The following MFAP2 variants were observed in gnomAD, a reference collection of about 807,000 sequenced individuals.
The protein encoded by MFAP2 is microfibrillar-associated protein 2.
A neutral mutation model predicts 30.6 loss-of-function variants in MFAP2; 23 were observed. The ratio of observed to expected loss-of-function variants is 0.75; its 90% CI spans 0.54 to 1.07. The LOEUF (loss-of-function observed/expected upper bound fraction) is 1.07, where lower values mean the gene tolerates loss of function less well. Ranked by LOEUF, MFAP2 falls within the 50% of genes least tolerant of loss-of-function variation. MFAP2 has a pLI of 0.00. For synonymous variants in MFAP2, 73 were observed against 85.7 expected (o/e 0.85, Z 0.82); for missense variants, 198 against 223.8 (o/e 0.88, Z 0.74).
chr1:16,975,061 C>G lies in MFAP2; in HGVS notation c.449-38G>C. 4.7e-6 allele frequency: 5 copies of G among 1,065,820 alleles called. No homozygotes were observed. Among genetic ancestry groups the G allele is most frequent in the Non-Finnish European group, 7.1e-6 (5 of 706,578 alleles). The allele number at this position is 1,065,820 out of a possible 1,614,324, so 66.0% of individuals were successfully genotyped here. On this transcript the variant is annotated intron_variant, in intron 8 of 8. Transcript: ENST00000375535. This position sits in a 1 kb window ranked among gnomAD's most constrained non-coding sequence, Gnocchi z 5.0. ...GGAAGGAGGCAGGGTCAGGGTGGAG[C>G]TGGGTGATGGGAACCGCTGCCCCTC...
At chr1:16,981,529 T>C (rs1053969102), upstream of MFAP2, among the ~76,000 whole-genome samples, 9 of 152,332 alleles carry the variant, frequency 5.9e-5, 1 homozygote, top group South Asian at 1.9e-3. Flanking sequence ...AAATTTCTTT[T>C]GTGACTCCGT....
chr1:16,979,597 C>T (rs765347764), intron 1 of MFAP2, among the ~76,000 whole-genome samples: 2 of 152,216 alleles, frequency 1.3e-5, no homozygotes, highest in African/African-American at 2.4e-5. Flanking sequence ...CCCCACACCC[C>T]ATTCTGAAAA....
intron 1 of MFAP2, among the ~76,000 whole-genome samples, chr1:16,980,225 C>T (rs1275180701): frequency 3.3e-5 from 5 of 151,222 alleles, no homozygotes; most frequent in African/African-American, 1.2e-4. Context: ...TCTCTGATCT[C>T]TCTTTGTCTC....
upstream of MFAP2, among the ~76,000 whole-genome samples, chr1:16,981,106 G>A (rs2076635581): frequency 6.6e-6 from 1 of 152,100 alleles, no homozygotes; most frequent in Non-Finnish European, 1.5e-5. Flanking sequence ...CTGAGCTCTG[G>A]GCCATGGCTG....
In MFAP2 at chr1:16,975,794, T is replaced by TG. The variant is rs989457564; in HGVS notation, c.287-65dup. The TG allele has an allele frequency of 1.2e-4, 173 of 1,443,742 alleles. 1 individual carries two copies. Among genetic ancestry groups the TG allele is most frequent in the South Asian group, 7.2e-4 (61 of 84,490 alleles). The allele number at this position is 1,443,742 out of a possible 1,614,324, so 89.4% of individuals were successfully genotyped here. Reference sequence around the variant, plus strand: ...GGGGCGGCCCCCAGCCTCACCCACCTGAGGCTGGCTCACAGGGCCTAGTCC... The same window carrying TG: ...GGGGCGGCCCCCAGCCTCACCCACCTGGAGGCTGGCTCACAGGGCCTAGTCC... On this transcript the variant is annotated intron_variant, in intron 6 of 8. Coordinates refer to ENST00000375535, the MANE Select transcript of MFAP2 (RefSeq NM_002403.4). The surrounding 1 kb of genome is among the most constrained non-coding windows in gnomAD (Gnocchi z 5.0).
chr1:16,980,771 G>T (rs937301734), upstream of MFAP2: 2 of 10,998 alleles, frequency 1.8e-4, no homozygotes, highest in East Asian at 8.6e-3. Context: ...CCATCTCCTG[G>T]GGGGGGGGGT....
rs898824188 is a variant in MFAP2 at position 16,975,346 on chromosome 1, C to T, written c.375-4G>A. On this transcript the variant is annotated splice_polypyrimidine_tract_variant and splice_region_variant and intron_variant, in intron 7 of 8. Transcript: ENST00000375535. The surrounding 1 kb of genome is among the most constrained non-coding windows in gnomAD (Gnocchi z 5.0). ...AATGACGTACACACGGCGGAGGCTG[C>T]GGGGACAGGGCACGGGAGGTCTCAG... 4 of 1,613,280 alleles carry T rather than the reference C, an allele frequency of 2.5e-6. No individual in the cohort carries two copies. Among genetic ancestry groups the T allele is most frequent in the African/African-American group, 2.7e-5 (2 of 74,846 alleles).
Position 16,974,978 on chromosome 1 carries a change from C to G in MFAP2, c.494G>C (p.Ser165Thr). The change falls in exon 9 of 9, where the codon AGC (serine) becomes ACC (threonine). Residue 165 changes from serine (S) to threonine (T), a missense_variant. Ser to Thr is a moderately conservative substitution (Grantham distance 58). Coordinates refer to ENST00000375535, the MANE Select transcript of MFAP2 (RefSeq NM_002403.4). ...CGCCACGGATTGGCACAGGCCGCTG[C>G]TGGCCATCACGCCACATTTGGAGAA... ...DKFSKCGVMA[S>T]SGLCQSVAAS... 1.9e-6 allele frequency: 2 copies of G among 1,067,994 alleles called. No homozygotes were observed. The highest frequency in any genetic ancestry group is 2.8e-6 in the Non-Finnish European group (2 of 710,548). The allele number at this position is 1,067,994 out of a possible 1,614,324, so 66.2% of individuals were successfully genotyped here. A position where few individuals can be genotyped will look rare whatever the true frequency, so the allele number is the denominator to read the frequency against.
rs778945593 is a variant in MFAP2, at chr1:16,976,719, G to A, written c.230C>T (p.Ala77Val). Residue 77 changes from alanine (A) to valine (V), a missense_variant, in exon 5 of 9, where the codon GCC becomes GTC. Ala to Val is a moderately conservative substitution (Grantham distance 64). Transcript: ENST00000375535. The surrounding 1 kb of genome is among the most constrained non-coding windows in gnomAD (Gnocchi z 5.5). ...QQQVQQEVIP[A>V]PTPEPGNAEL... is the part of the protein sequence containing the mutation. ...GGTCTGGGGCCTACCTGGGGTTGGG[G>A]CTGGGATGACTTCCTGTTGGACTTG... 20 of 1,613,676 alleles carry A rather than the reference G, an allele frequency of 1.2e-5. No individual in the cohort carries two copies. The highest frequency in any genetic ancestry group is 1.7e-5 in the Non-Finnish European group (20 of 1,179,858).
rs2076595170 is a variant in MFAP2 at position 16,976,759 on chromosome 1, A to T, written c.190T>A (p.Phe64Ile). Residue 64 changes from phenylalanine to isoleucine, a missense_variant, in exon 5 of 9, where the codon TTC becomes ATC. Phe to Ile is a conservative substitution (Grantham distance 21, BLOSUM62 0). Coordinates refer to ENST00000375535, the MANE Select transcript of MFAP2 (RefSeq NM_002403.4). The surrounding 1 kb of genome is among the most constrained non-coding windows in gnomAD (Gnocchi z 5.5). The part of the protein sequence containing the change: ...TPRPSEEQFQ[F>I]QSQQQVQQEV... ...TGTTGGACTTGCTGCTGGGACTGGA[A>T]CTGGAACTGTTCCTCGGAGGGCCGA... The T allele has an allele frequency of 1.9e-6, 3 of 1,613,778 alleles. No homozygotes were observed. Among genetic ancestry groups the T allele is most frequent in the Non-Finnish European group, 2.5e-6 (3 of 1,179,866 alleles).
chr1:16,977,236 A>C, intron 2 of MFAP2, 38 bp from the exon 3 acceptor site: 1 of 1,603,132 alleles, frequency 6.2e-7, no homozygotes, highest in Non-Finnish European at 8.5e-7. Flanking sequence ...CCCCATCGGG[A>C]GGGGCAACGG....
chr1:16,976,991 G>T lies in MFAP2; in HGVS notation c.128-68C>A. 6.2e-7 allele frequency: 1 copy of T among 1,613,540 alleles called. No homozygotes were observed. Among genetic ancestry groups the T allele is most frequent in the South Asian group, 1.1e-5 (1 of 91,074 alleles). ...ATCCCCCAGCCCCTGGGGCAAACAA[G>T]TTCCCTCCTGAGCCAGGGACCAACC... On this transcript the variant is annotated intron_variant, in intron 3 of 8. Coordinates refer to ENST00000375535, the MANE Select transcript of MFAP2 (RefSeq NM_002403.4). This position sits in a 1 kb window ranked among gnomAD's most constrained non-coding sequence, Gnocchi z 5.5.
rs2076598344 is a variant in MFAP2, at chr1:16,976,984, C to T, written c.128-61G>A. ...AAGGCTAATCCCCCAGCCCCTGGGG[C>T]AAACAAGTTCCCTCCTGAGCCAGGG... On this transcript the variant is annotated intron_variant, in intron 3 of 8. Transcript: ENST00000375535. This position sits in a 1 kb window ranked among gnomAD's most constrained non-coding sequence, Gnocchi z 5.5. The T allele has an allele frequency of 6.2e-7, 1 of 1,613,382 alleles. No individual in the cohort carries two copies. The highest frequency in any genetic ancestry group is 1.7e-5 in the Admixed American group (1 of 60,004).
chr1:16,980,653 G>A (rs2076632005), upstream of MFAP2: 1 of 152,128 alleles, frequency 6.6e-6, no homozygotes, highest in Admixed American at 6.6e-5. Context: ...CCCGCTCCGA[G>A]TCCCCCTCCG....
Position 16,976,188 on chromosome 1 carries a change from C to T in MFAP2, c.286+313G>A, listed in dbSNP as rs902544613. ...ACTCCCTGGCCCTTCCTCGCCTCCA[C>T]ATGTGCACCACTCAGTCTCTCTGGC... On this transcript the variant is annotated intron_variant, in intron 6 of 8. Transcript: ENST00000375535. The surrounding 1 kb of genome is among the most constrained non-coding windows in gnomAD (Gnocchi z 5.5). 1 of 553,806 alleles carries T rather than the reference C, an allele frequency of 1.8e-6. No individual in the cohort carries two copies. The highest frequency in any genetic ancestry group is 3.2e-6 in the Non-Finnish European group (1 of 308,256). The allele number at this position is 553,806 out of a possible 1,614,324, so 34.3% of individuals were successfully genotyped here. A position where few individuals can be genotyped will look rare whatever the true frequency, so the allele number is the denominator to read the frequency against.
chr1:16,978,716 A>G (rs1288853714), intron 1 of MFAP2, among the ~76,000 whole-genome samples: 1 of 152,100 alleles, frequency 6.6e-6, no homozygotes, highest in Non-Finnish European at 1.5e-5. Flanking sequence ...TGCGTGAATC[A>G]CTGAACCCAG....
rs2076579947 is a variant in MFAP2, at chr1:16,975,352, C to T, written c.375-10G>A. ...GTACACACGGCGGAGGCTGCGGGGA[C>T]AGGGCACGGGAGGTCTCAGCCCCAC... On this transcript the variant is annotated splice_polypyrimidine_tract_variant and intron_variant, in intron 7 of 8. Transcript: ENST00000375535. The surrounding 1 kb of genome is among the most constrained non-coding windows in gnomAD (Gnocchi z 5.0). The T allele has an allele frequency of 1.2e-6, 2 of 1,613,132 alleles. No homozygotes were observed. Among genetic ancestry groups the T allele is most frequent in the Non-Finnish European group, 1.7e-6 (2 of 1,179,466 alleles).
intron 2 of MFAP2, chr1:16,978,036 G>A: frequency 3.7e-6 from 2 of 536,904 alleles, no homozygotes; most frequent in Non-Finnish European, 3.4e-6. Context: ...GGAAGGCTGG[G>A]GGAAGGGCCA....
rs199807069 is a variant in MFAP2 at position 16,974,988 on chromosome 1, C to T, written c.484G>A (p.Val162Met). The T allele has an allele frequency of 1.1e-4, 116 of 1,018,448 alleles. 1 individual carries two copies. Among genetic ancestry groups the T allele is most frequent in the African/African-American group, 7.3e-4 (45 of 61,946 alleles). 63.1% of individuals were successfully genotyped at this position (1,018,448 alleles called of 1,614,324 possible). A position where few individuals can be genotyped will look rare whatever the true frequency, so the allele number is the denominator to read the frequency against. The change falls in exon 9 of 9, where the codon GTG (valine) becomes ATG (methionine). Residue 162 changes from valine (V) to methionine (M), a missense_variant. By Grantham distance (21) the Val-to-Met change is conservative. Transcript: ENST00000375535. ...TGGCACAGGCCGCTGCTGGCCATCA[C>T]GCCACATTTGGAGAACTTGTCCCGA... ...LCRDKFSKCG[V>M]MASSGLCQSV...
Sources: allele counts gnomAD v4.1 joint callset (sites outside exome capture counted in the v4.1 genomes callset), GRCh38; gene constraint gnomAD v4.1.1; non-coding constraint Gnocchi (gnomAD v3.1); transcripts MANE v1.5; gene names NCBI Gene and HGNC (gene_info 2026-07-23, HGNC 2026-07-21).